The following SLC24A2 variants were observed in gnomAD, a reference collection of about 807,000 sequenced individuals.
SLC24A2 encodes the protein solute carrier family 24 member 2.
SLC24A2 carries 36 observed loss-of-function variants against 62.0 expected under a neutral mutation model. The observed-to-expected ratio is 0.58, with a 90% CI of 0.44 to 0.77. SLC24A2 has a LOEUF of 0.77. SLC24A2 is among the 30% of genes least tolerant of loss of function. SLC24A2 has a pLI of 0.00. For synonymous variants in SLC24A2, 358 were observed against 294.0 expected, an observed-to-expected ratio of 1.22 and a Z score of -2.23; for missense variants, 846 against 817.9, an observed-to-expected ratio of 1.03 and a Z score of -0.42.
the SLC24A2 span, among the ~76,000 whole-genome samples, chr9:19,903,718 G>T: frequency 6.6e-6 from 1 of 152,284 alleles, no homozygotes; most frequent in Admixed American, 6.5e-5. Flanking sequence ...ATTAGAGATG[G>T]ATGGAGTAAG....
chr9:19,548,659 G>C (rs1352786059), intron 8 of SLC24A2, among the ~76,000 whole-genome samples: 2 of 152,162 alleles, frequency 1.3e-5, no homozygotes, highest in African/African-American at 4.8e-5. Flanking sequence ...ATCAATCAAG[G>C]CAGTTGGTTA....
chr9:19,727,276 GATC>G lies in SLC24A2; in HGVS notation c.930+58658_930+58660del, dbSNP rs550224513. On this transcript the variant is annotated intron_variant, in intron 2 of 10. Coordinates refer to ENST00000341998, the MANE Select transcript of SLC24A2 (RefSeq NM_020344.4). Reference sequence around the variant, plus strand: ...GGGGATCTGTATACAGTGATATTTTGATCATCACCCATGAAACAAAAAAAGAAT... The same window carrying G: ...GGGGATCTGTATACAGTGATATTTTGATCACCCATGAAACAAAAAAAGAAT... Among the ~76,000 whole-genome samples, 130 of 152,192 alleles carry G rather than the reference GATC, an allele frequency of 8.5e-4. 1 individual carries two copies. Among genetic ancestry groups the G allele is most frequent in the African/African-American group, 2.9e-3 (122 of 41,524 alleles).
At chr9:20,221,724 G>T in the SLC24A2 span, among the ~76,000 whole-genome samples, 1 of 152,004 alleles carries the variant, frequency 6.6e-6, no homozygotes, top group Non-Finnish European at 1.5e-5. Flanking sequence ...AGCTCTCAGA[G>T]AGCAGACTTT....
intron 8 of SLC24A2, among the ~76,000 whole-genome samples, chr9:19,536,305 CGT>C: frequency 6.7e-6 from 1 of 149,774 alleles, no homozygotes; most frequent in East Asian, 2.0e-4. Context: ...CACCCACTAA[CGT>C]GTCATCTGTC....
At chr9:19,789,830 G>A (rs186059530), upstream of SLC24A2, among the ~76,000 whole-genome samples, 3 of 152,276 alleles carry the variant, frequency 2.0e-5, no homozygotes, top group East Asian at 1.9e-4. Context: ...TACCCAACTC[G>A]TGAAGCTCTG....
At chr9:20,186,186 AT>A in the SLC24A2 span, among the ~76,000 whole-genome samples, 1 of 152,134 alleles carries the variant, frequency 6.6e-6, no homozygotes, top group Non-Finnish European at 1.5e-5. Flanking sequence ...GCCCCTGATC[AT>A]TTGACCAGTC....
At chr9:19,559,098 G>A (rs1013504426) in intron 7 of SLC24A2, among the ~76,000 whole-genome samples, 1 of 152,134 alleles carries the variant, frequency 6.6e-6, no homozygotes, top group South Asian at 2.1e-4. Flanking sequence ...ACTTACAAGA[G>A]TATTTGGCAC....
intron 2 of SLC24A2, among the ~76,000 whole-genome samples, chr9:19,733,971 G>A (rs573392876): frequency 6.6e-6 from 1 of 152,262 alleles, no homozygotes; most frequent in African/African-American, 2.4e-5. Flanking sequence ...AAAGAAAGGG[G>A]TGGGGTGAGG....
intron 8 of SLC24A2, among the ~76,000 whole-genome samples, chr9:19,543,222 G>A (rs1460919916): frequency 6.6e-6 from 1 of 152,176 alleles, no homozygotes; most frequent in African/African-American, 2.4e-5. Context: ...GCATAGAGGT[G>A]TTTATAGTAT....
At chr9:19,620,980 T>C (rs937875396) in intron 3 of SLC24A2, among the ~76,000 whole-genome samples, 3 of 152,086 alleles carry the variant, frequency 2.0e-5, no homozygotes, top group African/African-American at 7.3e-5. Context: ...AAATACATAT[T>C]GGATATATAT....
At chr9:20,029,356 C>A in the SLC24A2 span, among the ~76,000 whole-genome samples, 2 of 152,182 alleles carry the variant, frequency 1.3e-5, no homozygotes, top group Non-Finnish European at 2.9e-5. Context: ...AATAATGACA[C>A]CTAATGTTTT....
chr9:19,931,367 T>C, the SLC24A2 span, among the ~76,000 whole-genome samples: 53 of 152,198 alleles, frequency 3.5e-4, no homozygotes, highest in African/African-American at 5.1e-4. Flanking sequence ...TTTTTCACAA[T>C]AACCATATAC....
chr9:20,190,579 GA>G, the SLC24A2 span, among the ~76,000 whole-genome samples: 1 of 152,272 alleles, frequency 6.6e-6, no homozygotes, highest in South Asian at 2.1e-4. Context: ...ATTGTTTAGA[GA>G]AAAGTGAGGC....
At chr9:20,148,602 G>A in the SLC24A2 span, among the ~76,000 whole-genome samples, 1 of 152,158 alleles carries the variant, frequency 6.6e-6, no homozygotes, top group Non-Finnish European at 1.5e-5. Flanking sequence ...ATGGGGATTA[G>A]CGAATGTCAT....
the SLC24A2 span, among the ~76,000 whole-genome samples, chr9:20,189,076 C>CTTT: frequency 1.0e-5 from 1 of 96,524 alleles, no homozygotes; most frequent in African/African-American, 4.6e-5. Flanking sequence ...CTTTTTTTTT[C>CTTT]TTTTTTTTTT....
intron 2 of SLC24A2, among the ~76,000 whole-genome samples, chr9:19,642,315 T>C (rs1313515770): frequency 6.6e-6 from 1 of 152,046 alleles, no homozygotes; most frequent in Non-Finnish European, 1.5e-5. Context: ...TACAGCTAGT[T>C]GGTATTAGAG....
the SLC24A2 span, among the ~76,000 whole-genome samples, chr9:20,101,431 G>C: frequency 6.6e-6 from 1 of 152,236 alleles, no homozygotes; most frequent in Non-Finnish European, 1.5e-5. Context: ...GAAACTGTTT[G>C]CCTTGGGGCA....
chr9:19,679,782 C>T (rs1819661947), intron 2 of SLC24A2, among the ~76,000 whole-genome samples: 1 of 151,942 alleles, frequency 6.6e-6, no homozygotes, highest in Admixed American at 6.6e-5. Context: ...AAACTGGGAT[C>T]TCTCAGCTTC....
the SLC24A2 span, among the ~76,000 whole-genome samples, chr9:20,089,000 T>C: frequency 4.6e-5 from 7 of 152,206 alleles, no homozygotes; most frequent in East Asian, 1.3e-3. Context: ...TGTGGGTCCC[T>C]GATCCCATAG....
Sources: allele counts gnomAD v4.1 joint callset (sites outside exome capture counted in the v4.1 genomes callset), GRCh38; gene constraint gnomAD v4.1.1; transcripts MANE v1.5; gene names NCBI Gene and HGNC (gene_info 2026-07-23, HGNC 2026-07-21).